Variants in MYO1E observed in about 807,000 individuals in gnomAD.
The protein encoded by MYO1E is myosin IE.
A neutral mutation model predicts 151.1 loss-of-function variants in MYO1E; 68 were observed. The ratio of observed to expected loss-of-function variants is 0.45; its 90% confidence interval spans 0.37 to 0.55. The LOEUF is 0.55. Among genes scored for constraint, MYO1E ranks in the 20% least tolerant of loss-of-function variants. MYO1E has a pLI of 0.00. For missense variants in MYO1E, 1,363 were observed against 1,389.3 expected (o/e 0.98, Z 0.30); for synonymous variants, 601 against 501.7 (o/e 1.20, Z -2.64).
At chr15:59,286,273 T>G (rs2080387257) in intron 1 of MYO1E, among the ~76,000 whole-genome samples, 1 of 152,246 alleles carries the variant, frequency 6.6e-6, no homozygotes, top group African/African-American at 2.4e-5. Context: ...TTATAAGTCA[T>G]GCAAAATGCT....
intron 3 of MYO1E, among the ~76,000 whole-genome samples, chr15:59,259,014 C>G (rs2140372443): frequency 6.7e-6 from 1 of 150,124 alleles, no homozygotes; most frequent in East Asian, 2.0e-4. Context: ...CCAGGCTGGT[C>G]TTGAACTCCT....
chr15:59,296,038 G>A (rs2080446591), intron 1 of MYO1E, among the ~76,000 whole-genome samples: 1 of 152,084 alleles, frequency 6.6e-6, no homozygotes, highest in South Asian at 2.1e-4. Flanking sequence ...AAAACAAACA[G>A]CTCTTTAAAA....
chr15:59,224,732 T>G lies in MYO1E; in HGVS notation c.734A>C (p.Lys245Thr). The change falls in exon 8 of 28, where the codon AAG becomes ACG. Residue 245 changes from lysine (K) to threonine (T), a missense_variant. Physicochemically the swap from Lys to Thr is moderately conservative, Grantham distance 78. Coordinates refer to ENST00000288235, the MANE Select transcript of MYO1E (RefSeq NM_004998.4). The part of the protein sequence containing the change: ...YYYLSLSGSY[K>T]VDDIDDRREF... ...CCGCCTGTCGTCAATGTCATCAACC[T>G]TGTATGAGCCCGAGAGGCTCAGGTA... 1.2e-6 allele frequency: 2 copies of G among 1,614,222 alleles called. No homozygotes were observed. Among genetic ancestry groups the G allele is most frequent in the Non-Finnish European group, 1.7e-6 (2 of 1,180,038 alleles).
chr15:59,199,027 C>T (rs1282234371), intron 16 of MYO1E, among the ~76,000 whole-genome samples: 1 of 152,104 alleles, frequency 6.6e-6, no homozygotes, highest in African/African-American at 2.4e-5. Flanking sequence ...GGATGAGTAT[C>T]CCTTATCCGA....
chr15:59,237,682 T>C lies in MYO1E; in HGVS notation c.333-1010A>G, dbSNP rs75884103. Among the ~76,000 whole-genome samples the C allele has an allele frequency of 1.5e-3, 232 of 152,356 alleles. 2 individuals are homozygous for C. In the East Asian group the frequency reaches 0.04, roughly 26 times the overall value. On this transcript the variant is annotated intron_variant, in intron 4 of 27. Transcript: ENST00000288235. ...AAAAAATTTTAGGGCGCAGAGCAAA[T>C]GTTCTTCTATGAATATCCAGCCCAA...
intron 22 of MYO1E, among the ~76,000 whole-genome samples, chr15:59,169,903 T>C (rs1456058278): frequency 6.6e-6 from 1 of 152,190 alleles, no homozygotes. Flanking sequence ...CTCACGCCTC[T>C]AATCCCAGCA....
chr15:59,165,035 A>C (rs2079556209), intron 22 of MYO1E, among the ~76,000 whole-genome samples: 1 of 152,196 alleles, frequency 6.6e-6, no homozygotes, highest in South Asian at 2.1e-4. Context: ...TCTATAAAGA[A>C]AAGACTGGGC....
Position 59,209,813 on chromosome 15 carries a change from ACCTTT to A in MYO1E, c.1362+696_1362+700del, listed in dbSNP as rs2079866459. Among the ~76,000 whole-genome samples the A allele has an allele frequency of 2.0e-4, 14 of 71,164 alleles. 2 individuals carry two copies. Among genetic ancestry groups the A allele is most frequent in the Admixed American group, 3.1e-4 (2 of 6,552 alleles). The allele number at this position is 71,164 out of a possible 152,430, so 46.7% of individuals were successfully genotyped here. A position where few individuals can be genotyped will look rare whatever the true frequency, so the allele number is the denominator to read the frequency against. ...TTCTGTATCACTTTTATTTTGAATC[ACCTTT>A]TTTTTTTTTTTTTTTTTTTTTTTTT... On this transcript the variant is annotated intron_variant, in intron 13 of 27. Transcript: ENST00000288235.
intron 16 of MYO1E, among the ~76,000 whole-genome samples, chr15:59,195,906 T>G (rs1399133684): frequency 2.0e-5 from 3 of 152,234 alleles, no homozygotes; most frequent in Non-Finnish European, 2.9e-5. Context: ...AGCATGTCAG[T>G]TAACAAACTA....
At chr15:59,307,632 C>T (rs1380468242) in intron 1 of MYO1E, among the ~76,000 whole-genome samples, 2 of 151,804 alleles carry the variant, frequency 1.3e-5, no homozygotes, top group African/African-American at 2.4e-5. Context: ...TTTTTTAAGA[C>T]GGAGTTTCGC....
At chr15:59,319,573 T>TTTTTTTTTTTTTTTTTTTTTG (rs2080612595) in intron 1 of MYO1E, among the ~76,000 whole-genome samples, 1 of 135,906 alleles carries the variant, frequency 7.4e-6, no homozygotes, top group African/African-American at 2.7e-5. Flanking sequence ...TTTTTTTTTT[T>TTTTTTTTTTTTTTTTTTTTTG]TTTTTTTTGG....
intron 22 of MYO1E, among the ~76,000 whole-genome samples, chr15:59,169,418 A>G (rs1373996845): frequency 4.6e-5 from 7 of 152,112 alleles, no homozygotes; most frequent in African/African-American, 1.7e-4. Flanking sequence ...CACACACATC[A>G]CCCTCTGGTT....
chr15:59,296,470 A>G (rs1437945746), intron 1 of MYO1E, among the ~76,000 whole-genome samples: 1 of 152,208 alleles, frequency 6.6e-6, no homozygotes, highest in Non-Finnish European at 1.5e-5. Flanking sequence ...TGCATGGCAG[A>G]GCGGGGGCTC....
chr15:59,137,515 C>A (rs1169725059), intron 27 of MYO1E, 59 bp from the exon 28 acceptor site: 9 of 1,365,908 alleles, frequency 6.6e-6, no homozygotes, highest in Non-Finnish European at 8.4e-6. Flanking sequence ...GCCCCAGCCA[C>A]ACACACTCCG....
intron 1 of MYO1E, among the ~76,000 whole-genome samples, chr15:59,291,699 AAAAAAAAAAAAAAG>A (rs1254589277): frequency 6.8e-4 from 99 of 144,996 alleles, no homozygotes; most frequent in Non-Finnish European, 1.3e-3. Flanking sequence ...AAAAAAAAAA[AAAAAAAAAAAAAAG>A]AGAGAGAGAG....
chr15:59,354,751 G>C (rs1165118626), intron 1 of MYO1E, among the ~76,000 whole-genome samples: 2 of 152,114 alleles, frequency 1.3e-5, no homozygotes, highest in African/African-American at 4.8e-5. Context: ...GTCAGGACTG[G>C]TTGTGTGATC....
chr15:59,292,127 T>C (rs1226846190), intron 1 of MYO1E, among the ~76,000 whole-genome samples: 1 of 152,248 alleles, frequency 6.6e-6, no homozygotes, highest in Non-Finnish European at 1.5e-5. Flanking sequence ...TGAGTGGATT[T>C]GTTTTGAGTG....
intron 24 of MYO1E, among the ~76,000 whole-genome samples, chr15:59,160,088 G>A (rs893527208): frequency 5.9e-5 from 9 of 152,012 alleles, no homozygotes; most frequent in African/African-American, 9.7e-5. Context: ...CGCCTGCCTC[G>A]GCCTCCCAAA....
chr15:59,312,521 A>C (rs1204286474), intron 1 of MYO1E, among the ~76,000 whole-genome samples: 1 of 152,176 alleles, frequency 6.6e-6, no homozygotes, highest in Non-Finnish European at 1.5e-5. Flanking sequence ...TTGTTTTTTA[A>C]GAGACAGAAT....
Sources: gnomAD v4.1 joint callset for allele counts (sites outside exome capture counted in the v4.1 genomes callset) on GRCh38, gnomAD v4.1.1 for gene constraint, MANE v1.5 for transcripts, NCBI Gene and HGNC (gene_info 2026-07-23, HGNC 2026-07-21) for gene names.